Variants in TGFBR3 observed in about 807,000 individuals in gnomAD.
The protein encoded by TGFBR3 is transforming growth factor beta receptor type 3.
TGFBR3 carries 46 observed loss-of-function variants against 87.9 expected under a neutral mutation model. The ratio of observed to expected loss-of-function variants is 0.52; its 90% CI spans 0.41 to 0.67. TGFBR3 has a LOEUF of 0.67. TGFBR3 is among the 30% of genes least tolerant of loss of function. The pLI is 0.00. For synonymous variants in TGFBR3, 381 were observed against 391.6 expected (o/e 0.97, Z 0.32); for missense variants, 866 against 1,041.9 (o/e 0.83, Z 2.32).
chr1:91,743,622 T>C (rs1181356058), intron 4 of TGFBR3, among the ~76,000 whole-genome samples: 2 of 152,234 alleles, frequency 1.3e-5, no homozygotes, highest in African/African-American at 2.4e-5. Context: ...GAGGCTGGGA[T>C]CTTAGTGTGC....
chr1:91,898,846 A>G (rs1679616304), intron 2 of TGFBR3, among the ~76,000 whole-genome samples: 1 of 152,170 alleles, frequency 6.6e-6, no homozygotes, highest in Admixed American at 6.5e-5. Flanking sequence ...TTTAAAACCC[A>G]TCTGTGTTGT....
chr1:91,685,210 T>C (rs1229319914), intron 16 of TGFBR3, among the ~76,000 whole-genome samples: 5 of 152,328 alleles, frequency 3.3e-5, no homozygotes, highest in South Asian at 2.1e-4. Context: ...GTGCTTGTTG[T>C]AAGTTTGGCC....
At position 91,727,685 on chromosome 1, in the gene TGFBR3, C is replaced by A; in HGVS notation, c.859G>T (p.Asp287Tyr). ...KSVNWVIKSFDVKGSLKIIAP... is the reference protein window; with the variant it reads ...KSVNWVIKSFYVKGSLKIIAP... ...ATAATTTTCAGGCTTCCCTTAACAT[C>A]AAAAGATTTGATCACCCAGTTGACA... Residue 287 changes from aspartate to tyrosine, a missense_variant, in exon 7 of 17, where the codon GAT (aspartate) becomes TAT (tyrosine). Physicochemically the swap from Asp to Tyr is radical, Grantham distance 160. Transcript: ENST00000212355. 1 of 1,614,112 alleles carries A rather than the reference C, an allele frequency of 6.2e-7. No individual in the cohort carries two copies. The highest frequency in any genetic ancestry group is 8.5e-7 in the Non-Finnish European group (1 of 1,179,998).
In TGFBR3 at chr1:91,720,234, G is replaced by A. The variant is rs762638687; in HGVS notation, c.1076-4C>T. On this transcript the variant is annotated splice_region_variant and splice_polypyrimidine_tract_variant and intron_variant, in intron 8 of 16. Coordinates refer to ENST00000212355, the MANE Select transcript of TGFBR3 (RefSeq NM_003243.5). ...TCCTCATCTCCCATCTCCTCTGCTG[G>A]TGAAAGAAGAAGGCAAAACATCAGC... 5.7e-6 allele frequency: 9 copies of A among 1,579,630 alleles called. No individual in the cohort carries two copies. Among genetic ancestry groups the A allele is most frequent in the Middle Eastern group, 1.9e-4 (1 of 5,370 alleles).
Position 91,683,352 on chromosome 1 carries a change from C to T in TGFBR3, c.*387G>A. 1 of 481,382 alleles carries T rather than the reference C, an allele frequency of 2.1e-6. No individual in the cohort carries two copies. The highest frequency in any genetic ancestry group is 4.1e-6 in the Non-Finnish European group (1 of 245,114). The allele number at this position is 481,382 out of a possible 1,614,324, so 29.8% of individuals were successfully genotyped here. A position where few individuals can be genotyped will look rare whatever the true frequency, so the allele number is the denominator to read the frequency against. ...CTGGTTCTACTATCTGGCTATTAAC[C>T]CTTTACCAACTCCTTGAGTCTGGGT... On this transcript the variant is annotated 3_prime_UTR_variant, in exon 17 of 17. Coordinates refer to ENST00000212355, the MANE Select transcript of TGFBR3 (RefSeq NM_003243.5).
intron 15 of TGFBR3, among the ~76,000 whole-genome samples, chr1:91,696,688 C>T (rs1201532980): frequency 1.3e-5 from 2 of 152,124 alleles, no homozygotes; most frequent in African/African-American, 4.8e-5. Flanking sequence ...TCTAAGGTCT[C>T]TGGGTTTTGA....
chr1:91,739,393 A>G (rs1673073997), intron 4 of TGFBR3, among the ~76,000 whole-genome samples: 1 of 152,208 alleles, frequency 6.6e-6, no homozygotes, highest in African/African-American at 2.4e-5. Context: ...CCCAAAATAA[A>G]TGCAAAGTCT....
At position 91,681,631 on chromosome 1, in the gene TGFBR3, C is replaced by A. The variant is rs779202869; in HGVS notation, c.*2108G>T. 1 of 437,678 alleles carries A rather than the reference C, an allele frequency of 2.3e-6. No homozygotes were observed. Among genetic ancestry groups the A allele is most frequent in the Non-Finnish European group, 4.5e-6 (1 of 222,356 alleles). 27.1% of individuals were successfully genotyped at this position (437,678 alleles called of 1,614,324 possible). On this transcript the variant is annotated 3_prime_UTR_variant, in exon 17 of 17. Transcript: ENST00000212355. ...TTTTTTAAAAAAGCAAAGGACTGAT[C>A]GAAAGAATTCACAGTAGCTGAAATT...
chr1:91,697,951 G>T (rs1263467826), intron 15 of TGFBR3, 138 bp downstream of exon 15: 1 of 792,460 alleles, frequency 1.3e-6, no homozygotes, highest in East Asian at 2.6e-5. Context: ...AGCAAAAAGG[G>T]GAAAGGGGAA....
intron 1 of TGFBR3, among the ~76,000 whole-genome samples, chr1:91,874,511 GT>G (rs1286446715): frequency 6.6e-6 from 1 of 151,938 alleles, no homozygotes; most frequent in African/African-American, 2.4e-5. Context: ...CAGTAGAGTG[GT>G]TTTTTGGTTT....
chr1:91,782,110 A>T (rs1271116986), intron 3 of TGFBR3, among the ~76,000 whole-genome samples: 2 of 152,178 alleles, frequency 1.3e-5, no homozygotes, highest in East Asian at 3.9e-4. Flanking sequence ...CTGACAACAT[A>T]CCGAGAGCAA....
intron 1 of TGFBR3, among the ~76,000 whole-genome samples, chr1:91,864,812 G>T (rs1483503578): frequency 3.3e-5 from 5 of 152,184 alleles, no homozygotes; most frequent in Admixed American, 1.3e-4. Context: ...CTTCTGTGAG[G>T]TTCTACCACA....
rs368611940 is a variant in TGFBR3 at position 91,745,648 on chromosome 1, A to C, written c.385-10689T>G. On this transcript the variant is annotated intron_variant, in intron 4 of 16. Coordinates refer to ENST00000212355, the MANE Select transcript of TGFBR3 (RefSeq NM_003243.5). ...CTGAACCCTGCATTTTAAAAGAGGA[A>C]AATCACACGTTCTCCCTACCCAATT... 4.6e-4 allele frequency among the ~76,000 whole-genome samples: 70 copies of C among 152,366 alleles called. 1 individual carries two copies. Among genetic ancestry groups the C allele is most frequent in the African/African-American group, 1.6e-3 (67 of 41,586 alleles).
intron 2 of TGFBR3, among the ~76,000 whole-genome samples, chr1:91,801,279 C>T (rs12123363): frequency 0.24 from 37,226 of 152,090 alleles, 5,657 homozygotes; most frequent in Middle Eastern, 0.35. Context: ...AAGCTTCAGA[C>T]TTGGCCCTCC....
chr1:91,773,695 T>G (rs1674469065), intron 3 of TGFBR3, among the ~76,000 whole-genome samples: 1 of 151,978 alleles, frequency 6.6e-6, no homozygotes, highest in African/African-American at 2.4e-5. Flanking sequence ...AAACAAAAGA[T>G]CTCTAGAAAT....
At chr1:91,835,753 G>A (rs574720643) in intron 2 of TGFBR3, among the ~76,000 whole-genome samples, 8 of 149,990 alleles carry the variant, frequency 5.3e-5, no homozygotes, top group African/African-American at 7.4e-5. Flanking sequence ...ACGTGAACCC[G>A]GAAGGCGGAG....
chr1:91,847,603 CA>C (rs57534144), intron 2 of TGFBR3, among the ~76,000 whole-genome samples: 36,060 of 88,160 alleles, frequency 0.41, 4,638 homozygotes, highest in Non-Finnish European at 0.45. Flanking sequence ...AACTCCATCT[CA>C]AAAAAAAAAA....
rs1049859859 is a variant in TGFBR3, at chr1:91,681,956, T to C, written c.*1783A>G. ...AACTCATGTCTTCTTCGTTTGTATA[T>C]GGAAATCTAGAAATTTTTCAGTAGA... is the stretch of plus-strand genomic sequence containing the variant. On this transcript the variant is annotated 3_prime_UTR_variant, in exon 17 of 17. Coordinates refer to ENST00000212355, the MANE Select transcript of TGFBR3 (RefSeq NM_003243.5). 3 of 453,392 alleles carry C rather than the reference T, an allele frequency of 6.6e-6. No homozygotes were observed. Among genetic ancestry groups the C allele is most frequent in the Non-Finnish European group, 8.8e-6 (2 of 226,704 alleles). 28.1% of individuals were successfully genotyped at this position (453,392 alleles called of 1,614,324 possible). A position where few individuals can be genotyped will look rare whatever the true frequency, so the allele number is the denominator to read the frequency against.
intron 14 of TGFBR3, among the ~76,000 whole-genome samples, chr1:91,699,978 A>T (rs922022842): frequency 4.6e-5 from 7 of 152,234 alleles, no homozygotes; most frequent in East Asian, 1.9e-4. Context: ...ATGATTTTTT[A>T]AAAATCAAAA....
Sources: gnomAD v4.1 joint callset for allele counts (sites outside exome capture counted in the v4.1 genomes callset) on GRCh38, gnomAD v4.1.1 for gene constraint, MANE v1.5 for transcripts, NCBI Gene and HGNC (gene_info 2026-07-23, HGNC 2026-07-21) for gene names.